CNTN5: variants seen among roughly 807,000 people sequenced by gnomAD.
The protein encoded by CNTN5 is contactin-5.
In CNTN5, 77 loss-of-function variants were observed where a neutral mutation model predicts 129.1. The ratio of observed to expected loss-of-function variants is 0.60; its 90% CI spans 0.50 to 0.72. The LOEUF is 0.72. CNTN5 is among the 30% of genes least tolerant of loss of function. The pLI is 0.00. For synonymous variants in CNTN5, 509 were observed against 465.6 expected (o/e 1.09, Z -1.20); for missense variants, 1,478 against 1,328.8 (o/e 1.11, Z -1.75).
rs1178745315 is a variant in CNTN5 at position 100,264,051 on chromosome 11, T to A, written c.2165-7041T>A. Among the ~76,000 whole-genome samples the A allele has an allele frequency of 2.0e-5, 3 of 152,080 alleles. No homozygotes were observed. In the East Asian group the frequency reaches 5.8e-4, roughly 29 times the overall value. ...TCTTTCTCAGTTCACCTGTTTTTACTTTTTGTTTATATATATACATATGTG... is the reference window on the plus strand; with the variant it reads ...TCTTTCTCAGTTCACCTGTTTTTACATTTTGTTTATATATATACATATGTG... On this transcript the variant is annotated intron_variant, in intron 17 of 24. Transcript: ENST00000524871.
At chr11:99,299,647 A>G (rs1168900663) in intron 1 of CNTN5, among the ~76,000 whole-genome samples, 2 of 152,126 alleles carry the variant, frequency 1.3e-5, no homozygotes, top group Non-Finnish European at 2.9e-5. Flanking sequence ...AAAATGTGGT[A>G]TTTGATTTTC....
chr11:100,105,813 C>T (rs1945410128), intron 13 of CNTN5, among the ~76,000 whole-genome samples: 1 of 151,186 alleles, frequency 6.6e-6, no homozygotes, highest in South Asian at 2.1e-4. Context: ...CCAGGCAGTG[C>T]CCAAGGCTCC....
At chr11:99,594,801 T>C (rs1419044621) in intron 3 of CNTN5, among the ~76,000 whole-genome samples, 1 of 152,190 alleles carries the variant, frequency 6.6e-6, no homozygotes, top group African/African-American at 2.4e-5. Flanking sequence ...ATGTAAAAGG[T>C]GGTGTTTTCA....
At chr11:99,393,951 A>T (rs1480021934) in intron 2 of CNTN5, among the ~76,000 whole-genome samples, 2 of 151,838 alleles carry the variant, frequency 1.3e-5, no homozygotes, top group East Asian at 3.9e-4. Context: ...GAATAAAATG[A>T]TTAAAAATTA....
intron 1 of CNTN5, among the ~76,000 whole-genome samples, chr11:99,096,415 A>G (rs1866469130): frequency 6.6e-6 from 1 of 151,906 alleles, no homozygotes. Context: ...GTAATTTAAA[A>G]TAAGCATCCA....
At chr11:99,802,137 T>G (rs147645314) in intron 3 of CNTN5, among the ~76,000 whole-genome samples, 1 of 152,374 alleles carries the variant, frequency 6.6e-6, no homozygotes, top group South Asian at 2.1e-4. Context: ...TAGAATTTTT[T>G]GTCTGTTCTT....
chr11:100,159,433 G>T (rs1947365006), intron 13 of CNTN5, among the ~76,000 whole-genome samples: 1 of 151,862 alleles, frequency 6.6e-6, no homozygotes. Flanking sequence ...CACCTAGGTT[G>T]TGGATTTCTC....
At chr11:100,307,972 T>C (rs534934699) in intron 20 of CNTN5, among the ~76,000 whole-genome samples, 3 of 151,574 alleles carry the variant, frequency 2.0e-5, no homozygotes, top group East Asian at 3.9e-4. Flanking sequence ...GGTAAATAAA[T>C]AGCTAAATAA....
At chr11:99,797,743 G>T (rs527789858) in intron 3 of CNTN5, among the ~76,000 whole-genome samples, 46 of 152,106 alleles carry the variant, frequency 3.0e-4, no homozygotes, top group African/African-American at 9.9e-4. Context: ...TACTCTGCTG[G>T]TTTATTTTGC....
intron 13 of CNTN5, among the ~76,000 whole-genome samples, chr11:100,110,380 T>C (rs1945612250): frequency 6.6e-6 from 1 of 152,110 alleles, no homozygotes. Flanking sequence ...AGGGCAATTA[T>C]AAGAAATTCT....
chr11:99,663,528 A>G (rs1008922854), intron 3 of CNTN5, among the ~76,000 whole-genome samples: 1 of 152,176 alleles, frequency 6.6e-6, no homozygotes, highest in African/African-American at 2.4e-5. Flanking sequence ...ATTTAATGGT[A>G]TATGGTTGAT....
chr11:100,272,561 C>CCCACTAGA (rs1313617183), intron 18 of CNTN5, among the ~76,000 whole-genome samples: 1 of 151,870 alleles, frequency 6.6e-6, no homozygotes, highest in Admixed American at 6.6e-5. Context: ...CCCAAGATGG[C>CCCACTAGA]CCACTAGACT....
At chr11:100,081,426 T>C (rs1344832473) in intron 13 of CNTN5, among the ~76,000 whole-genome samples, 1 of 152,160 alleles carries the variant, frequency 6.6e-6, no homozygotes, top group East Asian at 1.9e-4. Flanking sequence ...ACTTCTACTT[T>C]ATGTCCATAT....
At chr11:100,344,733 T>C (rs1324856220) in intron 23 of CNTN5, among the ~76,000 whole-genome samples, 2 of 152,112 alleles carry the variant, frequency 1.3e-5, no homozygotes, top group Non-Finnish European at 2.9e-5. Context: ...TACACATGTA[T>C]CAAATTATCA....
At chr11:100,043,929 G>T (rs1565821178) in intron 9 of CNTN5, among the ~76,000 whole-genome samples, 1 of 152,044 alleles carries the variant, frequency 6.6e-6, no homozygotes, top group Non-Finnish European at 1.5e-5. Flanking sequence ...TACAAGTGCA[G>T]TTTTGTTACA....
intron 6 of CNTN5, among the ~76,000 whole-genome samples, chr11:99,879,996 G>A (rs1218910572): frequency 6.6e-6 from 1 of 152,144 alleles, no homozygotes; most frequent in Non-Finnish European, 1.5e-5. Context: ...CAGTCTGTGA[G>A]AATATCTTTC....
At chr11:99,880,041 T>G (rs1948731683) in intron 6 of CNTN5, among the ~76,000 whole-genome samples, 1 of 152,182 alleles carries the variant, frequency 6.6e-6, no homozygotes, top group African/African-American at 2.4e-5. Flanking sequence ...GCCAACCAGG[T>G]TTTTCTCCCC....
intron 21 of CNTN5, among the ~76,000 whole-genome samples, chr11:100,311,883 T>A (rs1041308481): frequency 1.3e-5 from 2 of 152,044 alleles, no homozygotes; most frequent in Admixed American, 6.6e-5. Context: ...CAGAGCACAA[T>A]GTTTTCACTA....
At chr11:99,202,144 A>G (rs551515900) in intron 1 of CNTN5, among the ~76,000 whole-genome samples, 164 of 152,226 alleles carry the variant, frequency 1.1e-3, no homozygotes, top group African/African-American at 3.8e-3. Flanking sequence ...CTTCTTTTGT[A>G]TTTCCTTTGA....
Sources: gnomAD v4.1 joint callset for allele counts (sites outside exome capture counted in the v4.1 genomes callset) on GRCh38, gnomAD v4.1.1 for gene constraint, MANE v1.5 for transcripts, NCBI Gene and HGNC (gene_info 2026-07-23, HGNC 2026-07-21) for gene names.